The following MDGA2 variants were observed in gnomAD, a reference collection of about 807,000 sequenced individuals.
MDGA2 encodes MAM domain-containing glycosylphosphatidylinositol anchor protein 2.
In MDGA2, 40 loss-of-function variants were observed where a neutral mutation model predicts 117.8. The ratio of observed to expected loss-of-function variants is 0.34; its 90% CI spans 0.26 to 0.44. The LOEUF (loss-of-function observed/expected upper bound fraction) is 0.44, where lower values mean the gene tolerates loss of function less well. Among genes scored for constraint, MDGA2 ranks in the 20% least tolerant of loss-of-function variants. The pLI, the probability that MDGA2 is intolerant of heterozygous loss-of-function variation, is 1.00. For synonymous variants in MDGA2, 452 were observed against 439.0 expected (o/e 1.03, Z -0.37); for missense variants, 1,123 against 1,250.6 (o/e 0.90, Z 1.54).
At chr14:47,528,059 G>A (rs552611541) in intron 1 of MDGA2, among the ~76,000 whole-genome samples, 10 of 152,232 alleles carry the variant, frequency 6.6e-5, no homozygotes, top group African/African-American at 1.9e-4. Flanking sequence ...TATGTAATAC[G>A]ATTACCCTTG....
intron 2 of MDGA2, among the ~76,000 whole-genome samples, chr14:47,235,332 T>C (rs1444479828): frequency 6.6e-6 from 1 of 152,200 alleles, no homozygotes; most frequent in African/African-American, 2.4e-5. Flanking sequence ...CCTGGAATTA[T>C]GATACAAAAA....
rs181785322 is a variant in MDGA2 at position 47,053,523 on chromosome 14, A to C, written c.1525+7726T>G. On this transcript the variant is annotated intron_variant, in intron 7 of 16. Transcript: ENST00000399232. ...TTTGGGATCATAGAAGCAAAACAAC[A>C]TACTTAAAAGGAATGGAAGAACTCA... Among the ~76,000 whole-genome samples the C allele has an allele frequency of 1.0e-4, 15 of 150,652 alleles. No homozygotes were observed. The East Asian group carries it at 2.9e-3, about 29-fold the overall frequency.
chr14:46,906,902 T>C (rs963743435), intron 10 of MDGA2, among the ~76,000 whole-genome samples: 1 of 151,704 alleles, frequency 6.6e-6, no homozygotes, highest in African/African-American at 2.4e-5. Context: ...TGCCAATACA[T>C]AGATTAATTA....
intron 2 of MDGA2, among the ~76,000 whole-genome samples, chr14:47,291,096 C>T (rs985322128): frequency 2.0e-5 from 3 of 152,202 alleles, no homozygotes; most frequent in African/African-American, 7.2e-5. Flanking sequence ...CTTTATCCAA[C>T]ATCAAAGCAG....
chr14:46,981,608 T>C (rs1886675013), intron 8 of MDGA2, among the ~76,000 whole-genome samples: 2 of 152,268 alleles, frequency 1.3e-5, no homozygotes, highest in Admixed American at 6.5e-5. Context: ...TTTAAGAATG[T>C]CAAGTGGTAG....
At chr14:47,158,385 TGTG>T (rs1297471162) in intron 3 of MDGA2, among the ~76,000 whole-genome samples, 18 of 151,976 alleles carry the variant, frequency 1.2e-4, no homozygotes, top group South Asian at 8.3e-4. Flanking sequence ...TGTGTGTGTG[TGTG>T]TGTGTGTGTG....
At chr14:47,579,779 T>C (rs545238956) in intron 1 of MDGA2, among the ~76,000 whole-genome samples, 2 of 152,188 alleles carry the variant, frequency 1.3e-5, no homozygotes, top group South Asian at 4.1e-4. Context: ...GACACTAAAA[T>C]CTACAATTGA....
intron 3 of MDGA2, among the ~76,000 whole-genome samples, chr14:47,177,857 G>GGT (rs1029147379): frequency 1.3e-5 from 2 of 152,014 alleles, no homozygotes; most frequent in Non-Finnish European, 2.9e-5. Flanking sequence ...ATATGTATGT[G>GGT]GTGTGTGTGT....
chr14:47,544,031 A>G (rs1233051151), intron 1 of MDGA2, among the ~76,000 whole-genome samples: 2 of 152,186 alleles, frequency 1.3e-5, no homozygotes, highest in African/African-American at 4.8e-5. Context: ...CCTCAGGCAT[A>G]TCTTGAAGCT....
At chr14:47,004,900 T>C (rs530455284) in intron 8 of MDGA2, among the ~76,000 whole-genome samples, 1 of 151,764 alleles carries the variant, frequency 6.6e-6, no homozygotes, top group African/African-American at 2.4e-5. Flanking sequence ...TGGTCATATA[T>C]AGAAGATAAA....
At chr14:47,489,365 C>T (rs1269229193) in intron 1 of MDGA2, among the ~76,000 whole-genome samples, 1 of 151,922 alleles carries the variant, frequency 6.6e-6, no homozygotes, top group East Asian at 1.9e-4. Flanking sequence ...ATGAAATAGG[C>T]TTTTTAGTTT....
intron 1 of MDGA2, among the ~76,000 whole-genome samples, chr14:47,540,540 G>GTGTGTGTGTATATATA: frequency 2.3e-4 from 18 of 79,214 alleles, no homozygotes; most frequent in East Asian, 4.9e-4. Flanking sequence ...GTGTGTGTGT[G>GTGTGTGTGTATATATA]TATATATATA....
At chr14:46,952,501 T>C (rs1482357346) in intron 9 of MDGA2, among the ~76,000 whole-genome samples, 2 of 151,984 alleles carry the variant, frequency 1.3e-5, no homozygotes, top group East Asian at 3.9e-4. Flanking sequence ...GTTTAAATAA[T>C]GGTTAAGCCA....
At chr14:46,883,172 T>C (rs994797929) in intron 10 of MDGA2, among the ~76,000 whole-genome samples, 2 of 152,114 alleles carry the variant, frequency 1.3e-5, no homozygotes, top group Non-Finnish European at 2.9e-5. Flanking sequence ...AACTTATGTA[T>C]ACAAACCGAA....
chr14:46,878,603 C>T (rs1174563612), intron 11 of MDGA2, among the ~76,000 whole-genome samples: 1 of 152,010 alleles, frequency 6.6e-6, no homozygotes, highest in East Asian at 1.9e-4. Context: ...ATACAGAAGA[C>T]AATTCCCATT....
At chr14:47,000,002 T>C (rs1182505957) in intron 8 of MDGA2, among the ~76,000 whole-genome samples, 1 of 151,948 alleles carries the variant, frequency 6.6e-6, no homozygotes. Context: ...ATACCAGCAT[T>C]GTCCTTTGAT....
chr14:46,947,816 C>T (rs1885226969), intron 9 of MDGA2, among the ~76,000 whole-genome samples: 1 of 151,436 alleles, frequency 6.6e-6, no homozygotes, highest in Non-Finnish European at 1.5e-5. Context: ...CTAATACAGT[C>T]GTCCTTTTTA....
chr14:47,000,351 A>G (rs1887463317), intron 8 of MDGA2, among the ~76,000 whole-genome samples: 1 of 88,504 alleles, frequency 1.1e-5, no homozygotes, highest in Non-Finnish European at 2.4e-5. Flanking sequence ...ATATATATAC[A>G]CACACATATA....
intron 8 of MDGA2, among the ~76,000 whole-genome samples, chr14:47,002,829 TTTG>T (rs1243296123): frequency 6.6e-6 from 1 of 152,166 alleles, no homozygotes; most frequent in Non-Finnish European, 1.5e-5. Context: ...CTGTCTTAGC[TTTG>T]TTGAGGTATA....
Sources: gnomAD v4.1 joint callset for allele counts (sites outside exome capture counted in the v4.1 genomes callset) on GRCh38, gnomAD v4.1.1 for gene constraint, MANE v1.5 for transcripts, NCBI Gene and HGNC (gene_info 2026-07-23, HGNC 2026-07-21) for gene names.